The following MVB12B variants were observed in gnomAD, a reference collection of about 807,000 sequenced individuals.
MVB12B encodes the protein ESCRT-I complex subunit MVB12B.
In MVB12B, 16 loss-of-function variants were observed where a neutral mutation model predicts 41.6. The ratio of observed to expected loss-of-function variants is 0.38; its 90% CI spans 0.26 to 0.58. The LOEUF is 0.58. Ranked by LOEUF, MVB12B falls within the 20% of genes least tolerant of loss-of-function variation. The pLI is 0.62. For synonymous variants in MVB12B, 133 were observed against 139.7 expected, an observed-to-expected ratio of 0.95 and a Z score of 0.34; for missense variants, 274 against 380.2, an observed-to-expected ratio of 0.72 and a Z score of 2.32.
At chr9:126,467,525 C>T (rs145434297) in intron 7 of MVB12B, among the ~76,000 whole-genome samples, 201 of 152,308 alleles carry the variant, frequency 1.3e-3, no homozygotes, top group African/African-American at 4.7e-3. Context: ...ACTTGTTCCT[C>T]ATCAGATTTT....
chr9:126,364,300 G>A (rs1830103595), intron 2 of MVB12B, among the ~76,000 whole-genome samples: 1 of 152,208 alleles, frequency 6.6e-6, no homozygotes, highest in South Asian at 2.1e-4. Context: ...CATGACTCAT[G>A]AACGGCGCGA....
At chr9:126,482,985 G>T (rs1833558298) in intron 8 of MVB12B, among the ~76,000 whole-genome samples, 2 of 152,254 alleles carry the variant, frequency 1.3e-5, no homozygotes, top group Admixed American at 1.3e-4. Flanking sequence ...CTGGTTTTGA[G>T]TCTGGGTCCT....
intron 7 of MVB12B, among the ~76,000 whole-genome samples, chr9:126,476,948 A>G (rs1024269190): frequency 1.3e-5 from 2 of 151,654 alleles, no homozygotes; most frequent in Non-Finnish European, 2.9e-5. Context: ...TATATGTGAT[A>G]TATATATATT....
chr9:126,335,339 C>G (rs1180230071), intron 1 of MVB12B: 1 of 1,304,276 alleles, frequency 7.7e-7, no homozygotes, highest in Non-Finnish European at 1.0e-6. Context: ...ACGGGTGGCC[C>G]CAAAGCCAGC....
At chr9:126,355,151 T>G (rs923475281) in intron 2 of MVB12B, among the ~76,000 whole-genome samples, 4 of 152,228 alleles carry the variant, frequency 2.6e-5, no homozygotes, top group Non-Finnish European at 5.9e-5. Context: ...CCACGGCAGC[T>G]TCTTTTTCCT....
intron 7 of MVB12B, among the ~76,000 whole-genome samples, chr9:126,439,138 A>G (rs1441233876): frequency 6.6e-6 from 1 of 151,918 alleles, no homozygotes; most frequent in Non-Finnish European, 1.5e-5. Context: ...CTCTTCATAC[A>G]GGGGGCCCTG....
At chr9:126,345,473 CCCCTGGAGGG>C (rs1403179027) in intron 2 of MVB12B, among the ~76,000 whole-genome samples, 2 of 152,234 alleles carry the variant, frequency 1.3e-5, no homozygotes, top group African/African-American at 4.8e-5. Context: ...GGGCCTCAGT[CCCCTGGAGGG>C]CCCTGCATCA....
chr9:126,386,419 T>G lies in MVB12B; in HGVS notation c.313-143T>G. 1 of 614,326 alleles carries G rather than the reference T, an allele frequency of 1.6e-6. No homozygotes were observed. The allele number at this position is 614,326 out of a possible 1,614,324, so 38.1% of individuals were successfully genotyped here. A position where few individuals can be genotyped will look rare whatever the true frequency, so the allele number is the denominator to read the frequency against. Reference sequence around the variant, plus strand: ...GTCCCTGCATAACCACTGGGGACCATTAAGTGTCACCTACTCTAATTAACC... The same window carrying G: ...GTCCCTGCATAACCACTGGGGACCAGTAAGTGTCACCTACTCTAATTAACC... On this transcript the variant is annotated intron_variant, in intron 3 of 9. Coordinates refer to ENST00000361171, the MANE Select transcript of MVB12B (RefSeq NM_033446.3). This position sits in a 1 kb window ranked among gnomAD's most constrained non-coding sequence, Gnocchi z 4.3.
chr9:126,483,310 G>C (rs555518491), intron 8 of MVB12B, among the ~76,000 whole-genome samples: 5 of 152,320 alleles, frequency 3.3e-5, no homozygotes, highest in African/African-American at 1.2e-4. Flanking sequence ...TTTTCATGCT[G>C]TCTGTTGAAA....
At chr9:126,342,581 C>T (rs1318581253) in intron 2 of MVB12B, among the ~76,000 whole-genome samples, 3 of 152,212 alleles carry the variant, frequency 2.0e-5, no homozygotes, top group Non-Finnish European at 2.9e-5. Flanking sequence ...GGCTTGAGCT[C>T]ATCCGCCCGG....
intron 7 of MVB12B, among the ~76,000 whole-genome samples, chr9:126,475,311 G>A (rs921454277): frequency 6.6e-6 from 1 of 152,128 alleles, no homozygotes; most frequent in Non-Finnish European, 1.5e-5. Flanking sequence ...CATGCCCTGG[G>A]CACCCTTCAC....
chr9:126,337,541 T>G (rs931251573), intron 1 of MVB12B, among the ~76,000 whole-genome samples: 1 of 152,186 alleles, frequency 6.6e-6, no homozygotes, highest in African/African-American at 2.4e-5. Context: ...GGATGGGATA[T>G]TGGTGCCTCT....
intron 7 of MVB12B, among the ~76,000 whole-genome samples, chr9:126,452,225 A>C (rs1832901149): frequency 6.6e-6 from 1 of 152,242 alleles, no homozygotes. Flanking sequence ...ATTTTAAACA[A>C]TAGACCCAGC....
chr9:126,489,177 G>A (rs545951799), intron 9 of MVB12B, among the ~76,000 whole-genome samples: 9 of 152,342 alleles, frequency 5.9e-5, no homozygotes, highest in East Asian at 1.9e-4. Flanking sequence ...TTCAGATGCC[G>A]GTGTCTGCAG....
At position 126,483,984 on chromosome 9, in the gene MVB12B, T is replaced by G; in HGVS notation, c.825T>G (p.Phe275Leu). Residue 275 changes from phenylalanine (F) to leucine (L), a missense_variant, in exon 9 of 10, where the codon TTT (phenylalanine) becomes TTG (leucine). Coordinates refer to ENST00000361171, the MANE Select transcript of MVB12B (RefSeq NM_033446.3). ...ATCTGTGTTTTCAGATGCAGCCCTT[T>G]GATCTCCTGGGAATCACCATCAAAT... ...FSCVPESMQP[F>L]DLLGITIKSL... 6.2e-7 allele frequency: 1 copy of G among 1,614,134 alleles called. No individual in the cohort carries two copies. Among genetic ancestry groups the G allele is most frequent in the African/African-American group, 1.3e-5 (1 of 75,066 alleles).
chr9:126,366,995 A>T (rs1472747866), intron 2 of MVB12B, among the ~76,000 whole-genome samples: 1 of 152,096 alleles, frequency 6.6e-6, no homozygotes, highest in African/African-American at 2.4e-5. Flanking sequence ...CTTCTTCTGA[A>T]TGTTCCCACG....
chr9:126,472,880 G>A (rs1243547610), intron 7 of MVB12B, among the ~76,000 whole-genome samples: 1 of 152,202 alleles, frequency 6.6e-6, no homozygotes, highest in African/African-American at 2.4e-5. Flanking sequence ...GCGCCACAGA[G>A]CCAGCGGCAC....
chr9:126,398,249 G>C (rs1831173899), intron 6 of MVB12B, among the ~76,000 whole-genome samples: 1 of 151,824 alleles, frequency 6.6e-6, no homozygotes, highest in East Asian at 1.9e-4. Flanking sequence ...GTGAGGGCAT[G>C]TGGTGAGCCT....
chr9:126,460,487 G>C (rs2119175096), intron 7 of MVB12B, among the ~76,000 whole-genome samples: 1 of 152,246 alleles, frequency 6.6e-6, no homozygotes, highest in East Asian at 1.9e-4. Context: ...TGCTTCTGCT[G>C]CACTTCCCGT....
Sources: allele counts gnomAD v4.1 joint callset (sites outside exome capture counted in the v4.1 genomes callset), GRCh38; gene constraint gnomAD v4.1.1; non-coding constraint Gnocchi (gnomAD v3.1); transcripts MANE v1.5; gene names NCBI Gene and HGNC (gene_info 2026-07-23, HGNC 2026-07-21).